DTL: variants seen among roughly 807,000 people sequenced by gnomAD.
DTL encodes denticleless protein homolog.
DTL carries 46 observed loss-of-function variants against 87.0 expected under a neutral mutation model. The observed-to-expected ratio is 0.53, with a 90% confidence interval of 0.42 to 0.68. DTL has a LOEUF of 0.68. Among genes scored for constraint, DTL ranks in the 30% least tolerant of loss-of-function variants. The pLI is 0.00. For synonymous variants in DTL, 308 were observed against 311.2 expected (o/e 0.99, Z 0.11); for missense variants, 737 against 869.4 (o/e 0.85, Z 1.91).
At chr1:212,095,433 C>G (rs1466717278) in intron 13 of DTL, among the ~76,000 whole-genome samples, 2 of 152,154 alleles carry the variant, frequency 1.3e-5, no homozygotes. Flanking sequence ...CAGCTCACTG[C>G]AACCTCCACC....
intron 13 of DTL, among the ~76,000 whole-genome samples, chr1:212,095,756 T>C (rs973659995): frequency 2.0e-5 from 3 of 152,250 alleles, no homozygotes; most frequent in African/African-American, 7.2e-5. Context: ...CTTTTTGATA[T>C]ACTGTTGGAT....
In DTL at chr1:212,065,019, C is replaced by T. The variant is rs189644922; in HGVS notation, c.629C>T (p.Ala210Val). 32 of 1,611,758 alleles carry T rather than the reference C, an allele frequency of 2.0e-5. 2 individuals are homozygous for T. In the Admixed American group the frequency reaches 3.8e-4, roughly 19 times the overall value. ...PKKKQNSKGL[A>V]PSVDFQQSVT... The stretch of plus-strand genomic sequence containing the variant: ...AAGAAACAGAATTCAAAAGGACTTG[C>T]TCCTTCTGTGGTAAGGTTTTACAGA... The change falls in exon 7 of 15, where the codon GCT becomes GTT. Residue 210 changes from alanine (A) to valine (V), a missense_variant. By Grantham distance (64) the Ala-to-Val change is moderately conservative (BLOSUM62 0). Transcript: ENST00000366991.
chr1:212,080,556 TAA>T, intron 12 of DTL, 57 bp from the exon 13 acceptor site: 1 of 1,544,412 alleles, frequency 6.5e-7, no homozygotes. Context: ...ACCTGTTTTT[TAA>T]TGTATTTTGA....
intron 10 of DTL, among the ~76,000 whole-genome samples, chr1:212,070,117 G>T (rs935098943): frequency 1.3e-5 from 2 of 152,126 alleles, no homozygotes; most frequent in African/African-American, 4.8e-5. Flanking sequence ...GAAAGATAAA[G>T]CGTGATCCTG....
At chr1:212,040,215 T>G (rs1667595688) in intron 1 of DTL, among the ~76,000 whole-genome samples, 1 of 152,204 alleles carries the variant, frequency 6.6e-6, no homozygotes, top group Non-Finnish European at 1.5e-5. Context: ...AAACCTTTTG[T>G]TAAAAACTAA....
At chr1:212,054,687 C>A (rs141981843) in intron 5 of DTL, among the ~76,000 whole-genome samples, 3 of 148,784 alleles carry the variant, frequency 2.0e-5, no homozygotes, top group African/African-American at 7.4e-5. Flanking sequence ...CCCAGCTACT[C>A]GGGAGGCTGA....
chr1:212,070,281 A>G (rs1217414342), intron 10 of DTL, among the ~76,000 whole-genome samples: 2 of 152,096 alleles, frequency 1.3e-5, no homozygotes, highest in South Asian at 2.1e-4. Flanking sequence ...ATTTGCGCAG[A>G]TGGATAGATA....
At chr1:212,081,529 CCTGTGTTG>C (rs1654991022) in intron 13 of DTL, among the ~76,000 whole-genome samples, 1 of 152,136 alleles carries the variant, frequency 6.6e-6, no homozygotes, top group Non-Finnish European at 1.5e-5. Context: ...CATTCTTGCT[CCTGTGTTG>C]AGGATAAATT....
intron 5 of DTL, among the ~76,000 whole-genome samples, chr1:212,055,470 G>A (rs1668141429): frequency 1.3e-5 from 2 of 152,124 alleles, no homozygotes; most frequent in South Asian, 4.1e-4. Flanking sequence ...ACTGTGTCCT[G>A]CCCTGCCACC....
intron 5 of DTL, 134 bp downstream of exon 5, chr1:212,047,551 T>C: frequency 7.9e-7 from 1 of 1,260,712 alleles, no homozygotes; most frequent in Non-Finnish European, 1.1e-6. Flanking sequence ...ATTCTTTTTT[T>C]GGAGACAGTT....
At chr1:212,045,684 A>G (rs1667788991) in intron 3 of DTL, among the ~76,000 whole-genome samples, 1 of 152,192 alleles carries the variant, frequency 6.6e-6, no homozygotes. Flanking sequence ...TGGTATTTAG[A>G]CCAGTGGAAA....
intron 2 of DTL, 26 bp downstream of exon 2, chr1:212,043,144 G>A (rs1378100552): frequency 6.3e-7 from 1 of 1,599,894 alleles, no homozygotes; most frequent in Admixed American, 1.7e-5. Flanking sequence ...TCTAGGCAAG[G>A]CTTGGACAGA....
At chr1:212,098,338 C>A (rs541221146) in intron 13 of DTL, among the ~76,000 whole-genome samples, 10 of 152,280 alleles carry the variant, frequency 6.6e-5, no homozygotes, top group African/African-American at 2.4e-4. Context: ...GCTGTAATGG[C>A]TTGAATTGGT....
intron 13 of DTL, among the ~76,000 whole-genome samples, chr1:212,082,657 G>T (rs1655021025): frequency 6.6e-6 from 1 of 152,164 alleles, no homozygotes; most frequent in Non-Finnish European, 1.5e-5. Context: ...GAGAGGTGGA[G>T]AGATGAGATG....
intron 13 of DTL, among the ~76,000 whole-genome samples, chr1:212,098,447 G>A (rs1286618997): frequency 1.3e-5 from 2 of 152,028 alleles, no homozygotes; most frequent in Non-Finnish European, 1.5e-5. Context: ...ATAGGTTTTC[G>A]GGCTTCTCAG....
chr1:212,089,065 G>A (rs970716752), intron 13 of DTL, among the ~76,000 whole-genome samples: 13 of 152,182 alleles, frequency 8.5e-5, no homozygotes, highest in African/African-American at 3.1e-4. Flanking sequence ...CAGCCTGGGC[G>A]ACAAGACAAG....
At chr1:212,069,178 C>T (rs765233314) in intron 10 of DTL, among the ~76,000 whole-genome samples, 31 of 151,346 alleles carry the variant, frequency 2.0e-4, no homozygotes, top group Non-Finnish European at 3.7e-4. Context: ...TTCCTCAAAA[C>T]TTTAAAAATA....
chr1:212,075,802 C>T (rs1654811405), intron 11 of DTL, among the ~76,000 whole-genome samples: 1 of 151,944 alleles, frequency 6.6e-6, no homozygotes, highest in South Asian at 2.1e-4. Context: ...AGTGTTGTAC[C>T]AACATCACCA....
intron 6 of DTL, among the ~76,000 whole-genome samples, chr1:212,063,287 A>C (rs1654389977): frequency 6.7e-6 from 1 of 148,466 alleles, no homozygotes; most frequent in Non-Finnish European, 1.5e-5. Context: ...TTTTTATTTT[A>C]TTATTATTAT....
Sources: allele counts gnomAD v4.1 joint callset (sites outside exome capture counted in the v4.1 genomes callset), GRCh38; gene constraint gnomAD v4.1.1; transcripts MANE v1.5; gene names NCBI Gene and HGNC (gene_info 2026-07-23, HGNC 2026-07-21).